Variants in TCF25 observed in about 807,000 individuals in gnomAD.
The protein encoded by TCF25 is ribosome quality control complex subunit TCF25.
TCF25 carries 41 observed loss-of-function variants against 83.1 expected under a neutral mutation model. The observed-to-expected ratio is 0.49, with a 90% CI of 0.38 to 0.64. TCF25 has a LOEUF of 0.64. Among genes scored for constraint, TCF25 ranks in the 30% least tolerant of loss-of-function variants. TCF25 has a pLI of 0.00. For missense variants in TCF25, 979 were observed against 914.5 expected, an observed-to-expected ratio of 1.07 and a Z score of -0.91; for synonymous variants, 458 against 365.0, an observed-to-expected ratio of 1.25 and a Z score of -2.90.
In TCF25 at chr16:89,883,397, G is replaced by A; in HGVS notation, c.239G>A (p.Arg80Lys). ...GATGACCCTGTGGTGAACGGGGAGA[G>A]GTCTGGCTGTGCGCTCACAGACGCT... Reference protein sequence around the residue: ...LEDDPVVNGERSGCALTDAVA... With the variant: ...LEDDPVVNGEKSGCALTDAVA... The change falls in exon 2 of 18, where the codon AGG becomes AAG. Residue 80 changes from arginine to lysine, a missense_variant. Physicochemically the swap from Arg to Lys is conservative, Grantham distance 26 (BLOSUM62 2). Transcript: ENST00000263346. 6.2e-7 allele frequency: 1 copy of A among 1,614,078 alleles called. No individual in the cohort carries two copies. The highest frequency in any genetic ancestry group is 1.1e-5 in the South Asian group (1 of 91,074).
intron 5 of TCF25, among the ~76,000 whole-genome samples, chr16:89,888,673 T>C (rs1597310076): frequency 6.7e-6 from 1 of 148,234 alleles, no homozygotes; most frequent in African/African-American, 2.5e-5. Context: ...CTTTCTCTCT[T>C]TCTTTCTTTT....
In TCF25 at chr16:89,873,615, AG is replaced by A. The variant is rs2041916768; in HGVS notation, c.-52del. ...GAGTGCGCAGGCGCGCCGACAGCCG[AG>A]TTTTCTGCGCTTCCTTCTCCCTCTC... On this transcript the variant is annotated 5_prime_UTR_variant, in exon 1 of 18. Coordinates refer to ENST00000263346, the MANE Select transcript of TCF25 (RefSeq NM_014972.3). 9 of 1,320,382 alleles carry A rather than the reference AG, an allele frequency of 6.8e-6. No homozygotes were observed. Among genetic ancestry groups the A allele is most frequent in the Admixed American group, 3.2e-5 (1 of 31,320 alleles). The allele number at this position is 1,320,382 out of a possible 1,614,324, so 81.8% of individuals were successfully genotyped here. A position where few individuals can be genotyped will look rare whatever the true frequency, so the allele number is the denominator to read the frequency against.
intron 1 of TCF25, among the ~76,000 whole-genome samples, chr16:89,875,105 T>C (rs1324860013): frequency 1.3e-5 from 2 of 152,186 alleles, no homozygotes; most frequent in South Asian, 2.1e-4. Flanking sequence ...GCTCAAATAG[T>C]CCTCTCACCT....
In TCF25 at chr16:89,895,969, CT is replaced by C; in HGVS notation, c.929-20del. ...CTGTGTGTGGCCATGACACCCTCCCCTGGCGTCCCTGTGCCCACAGAGAGAG... is the reference window on the plus strand; with the variant it reads ...CTGTGTGTGGCCATGACACCCTCCCCGGCGTCCCTGTGCCCACAGAGAGAG... On this transcript the variant is annotated intron_variant, in intron 8 of 17. Coordinates refer to ENST00000263346, the MANE Select transcript of TCF25 (RefSeq NM_014972.3). The C allele has an allele frequency of 6.2e-7, 1 of 1,610,640 alleles. No homozygotes were observed.
chr16:89,904,865 T>G, intron 13 of TCF25, 73 bp from the exon 14 acceptor site: 1 of 1,540,042 alleles, frequency 6.5e-7, no homozygotes, highest in Non-Finnish European at 8.8e-7. Flanking sequence ...TGCCCATCCA[T>G]GGGGCTCTGC....
chr16:89,889,201 A>T (rs989983121), intron 5 of TCF25: 1 of 395,720 alleles, frequency 2.5e-6, no homozygotes, highest in Admixed American at 3.0e-5. Context: ...TTTTTTATTT[A>T]TTTATTTTTA....
chr16:89,887,560 C>T, intron 4 of TCF25, 92 bp from the exon 5 acceptor site: 2 of 1,250,640 alleles, frequency 1.6e-6, no homozygotes, highest in Non-Finnish European at 2.1e-6. Context: ...AATCCGTGTT[C>T]TCTCCTTGAC....
chr16:89,887,333 A>C (rs1418397554), intron 4 of TCF25, among the ~76,000 whole-genome samples: 4 of 151,710 alleles, frequency 2.6e-5, no homozygotes, highest in Admixed American at 2.6e-4. Flanking sequence ...GGAGTCAGTT[A>C]AGACGCAGTA....
In TCF25 at chr16:89,900,298, C is replaced by T. The variant is rs923136804; in HGVS notation, c.1222-337C>T. Among the ~76,000 whole-genome samples the T allele has an allele frequency of 3.3e-5, 5 of 152,172 alleles. No individual in the cohort carries two copies. In the East Asian group the frequency reaches 7.7e-4, roughly 23 times the overall value. On this transcript the variant is annotated intron_variant, in intron 11 of 17. Coordinates refer to ENST00000263346, the MANE Select transcript of TCF25 (RefSeq NM_014972.3). ...CACAGACTCGCGCGGGGGTGGGCTG[C>T]TCTCGTCTGTAAATTTTCCACATTG...
chr16:89,905,967 TGA>T (rs2044742480), intron 14 of TCF25, among the ~76,000 whole-genome samples: 1 of 152,172 alleles, frequency 6.6e-6, no homozygotes, highest in African/African-American at 2.4e-5. Context: ...ATGAAGAGGC[TGA>T]GTCACTGGCC....
chr16:89,898,638 G>A lies in TCF25; in HGVS notation c.1104G>A (p.Lys368=), dbSNP rs751737423. 20 of 1,612,872 alleles carry A rather than the reference G, an allele frequency of 1.2e-5. No homozygotes were observed. Among genetic ancestry groups the A allele is most frequent in the Non-Finnish European group, 1.7e-5 (20 of 1,180,020 alleles). Residue 368 remains lysine (K), a synonymous_variant, in exon 10 of 18, where the codon AAG becomes AAA. Transcript: ENST00000263346. ...CGCGCACGGCGCTGGAGTACTGCAA[G>A]CTCATCCTGAGGTGAGTGTCTGCTC... is the stretch of plus-strand genomic sequence containing the variant. ...GCPRTALEYC[K]LILSLEPDED... is the part of the protein sequence containing the mutation.
At chr16:89,883,605 T>G in intron 2 of TCF25, 93 bp downstream of exon 2, 1 of 1,424,738 alleles carries the variant, frequency 7.0e-7, no homozygotes, top group Non-Finnish European at 9.3e-7. Flanking sequence ...TCCTTGGAGG[T>G]GTAATTTTCC....
chr16:89,876,522 C>T (rs563050308), intron 1 of TCF25, among the ~76,000 whole-genome samples: 2 of 152,144 alleles, frequency 1.3e-5, no homozygotes, highest in African/African-American at 4.8e-5. Flanking sequence ...CCTTGGCCTC[C>T]CAAAGTGCTG....
chr16:89,901,021 C>A, intron 12 of TCF25: 1 of 461,224 alleles, frequency 2.2e-6, no homozygotes, highest in Non-Finnish European at 3.9e-6. Context: ...GGCATCCCGA[C>A]CCCCGTGGGG....
intron 1 of TCF25, among the ~76,000 whole-genome samples, chr16:89,880,927 G>A (rs915243456): frequency 6.6e-5 from 10 of 152,242 alleles, no homozygotes; most frequent in African/African-American, 2.2e-4. Flanking sequence ...GCCAGCAAAG[G>A]CCAGGCAGAA....
chr16:89,905,084 C>T lies in TCF25; in HGVS notation c.1616C>T (p.Ala539Val), dbSNP rs763656736. 1.3e-6 allele frequency: 2 copies of T among 1,596,318 alleles called. No individual in the cohort carries two copies. The highest frequency in any genetic ancestry group is 1.7e-6 in the Non-Finnish European group (2 of 1,171,730). The change falls in exon 14 of 18, where the codon GCC becomes GTC. Residue 539 changes from alanine (A) to valine (V), a missense_variant. Ala to Val is a moderately conservative substitution (Grantham distance 64). Coordinates refer to ENST00000263346, the MANE Select transcript of TCF25 (RefSeq NM_014972.3). Reference protein sequence around the residue: ...AVDAGDPAVEACENRRKVLYQ... With the variant: ...AVDAGDPAVEVCENRRKVLYQ... Reference sequence around the variant, plus strand: ...GACGCCGGGGACCCAGCCGTGGAAGCCTGTGAGAACCGGTGAGCTAGGGGT... The same window carrying T: ...GACGCCGGGGACCCAGCCGTGGAAGTCTGTGAGAACCGGTGAGCTAGGGGT...
At chr16:89,890,899 A>T (rs2043377108) in intron 5 of TCF25, among the ~76,000 whole-genome samples, 1 of 152,022 alleles carries the variant, frequency 6.6e-6, no homozygotes, top group Admixed American at 6.6e-5. Flanking sequence ...CTACCAAAAG[A>T]CTTACATGGA....
In TCF25 at chr16:89,904,338, G is replaced by T. The variant is rs543246018; in HGVS notation, c.1469+133G>T. 8,508 of 1,011,994 alleles carry T rather than the reference G, an allele frequency of 8.4e-3. 50 individuals carry two copies. The highest frequency in any genetic ancestry group is 0.011 in the Non-Finnish European group (7,129 of 673,088). The allele number at this position is 1,011,994 out of a possible 1,614,324, so 62.7% of individuals were successfully genotyped here. ...GAGGGGCTGTGGTGGCGGCCTCGGG[G>T]ACTGTCATTTGACATGGGACGGCTC... is the stretch of plus-strand genomic sequence containing the variant. On this transcript the variant is annotated intron_variant, in intron 13 of 17. Coordinates refer to ENST00000263346, the MANE Select transcript of TCF25 (RefSeq NM_014972.3).
At chr16:89,900,908 T>C in intron 12 of TCF25, 114 bp downstream of exon 12, 6 of 1,231,562 alleles carry the variant, frequency 4.9e-6, no homozygotes, top group Non-Finnish European at 6.5e-6. Context: ...TGTAGAAACA[T>C]GCATTCTCTG....
Sources: gnomAD v4.1 joint callset for allele counts (sites outside exome capture counted in the v4.1 genomes callset) on GRCh38, gnomAD v4.1.1 for gene constraint, MANE v1.5 for transcripts, NCBI Gene and HGNC (gene_info 2026-07-23, HGNC 2026-07-21) for gene names.